The following GATA4 variants were observed in gnomAD, a reference collection of about 807,000 sequenced individuals.
GATA4 encodes the protein transcription factor GATA-4.
A neutral mutation model predicts 37.9 loss-of-function variants in GATA4; 7 were observed. The ratio of observed to expected loss-of-function variants is 0.18; its 90% CI spans 0.11 to 0.35. The LOEUF (loss-of-function observed/expected upper bound fraction) is 0.35, where lower values mean the gene tolerates loss of function less well. Ranked by LOEUF, GATA4 falls within the 10% of genes least tolerant of loss-of-function variation. GATA4 has a pLI of 1.00. For missense variants in GATA4, 647 were observed against 653.0 expected (o/e 0.99, Z 0.10); for synonymous variants, 372 against 292.6 (o/e 1.27, Z -2.77).
intron 1 of GATA4, chr8:11,705,808 G>C (rs1799866869): frequency 6.6e-6 from 1 of 152,168 alleles, no homozygotes; most frequent in Non-Finnish European, 1.5e-5. Flanking sequence ...ACAAATATTA[G>C]ATTGATGACA....
chr8:11,740,526 C>G (rs1046348599), intron 2 of GATA4, among the ~76,000 whole-genome samples: 1 of 152,222 alleles, frequency 6.6e-6, no homozygotes, highest in South Asian at 2.1e-4. Flanking sequence ...GGCCCAGGCC[C>G]CTCCACTCTG....
At position 11,759,635 on chromosome 8, in the gene GATA4, G is replaced by C. The variant is rs2130362058; in HGVS notation, c.*1160G>C. The stretch of plus-strand genomic sequence containing the variant: ...AGAAGACGACTGCTAAGACACGGCA[G>C]GGGGGCCTGGAGGGAGCCTCCGACT... On this transcript the variant is annotated 3_prime_UTR_variant, in exon 7 of 7. Transcript: ENST00000532059. 1 of 152,476 alleles carries C rather than the reference G, an allele frequency of 6.6e-6. No homozygotes were observed. Among genetic ancestry groups the C allele is most frequent in the South Asian group, 2.1e-4 (1 of 4,826 alleles). The allele number at this position is 152,476 out of a possible 1,614,324, so 9.4% of individuals were successfully genotyped here.
intron 3 of GATA4, 65 bp from the exon 4 acceptor site, chr8:11,750,046 C>T (rs978767452): frequency 6.0e-5 from 97 of 1,611,402 alleles, no homozygotes; most frequent in East Asian, 1.3e-4. Flanking sequence ...CGCAGCCACA[C>T]GCGAGGTGGA....
At chr8:11,683,022 C>G (rs1162802440) in intron 1 of GATA4, 1 of 977,708 alleles carries the variant, frequency 1.0e-6, no homozygotes, top group African/African-American at 1.8e-5. Flanking sequence ...GTGGAAACAG[C>G]CTCGGTGCGC....
upstream of GATA4, chr8:11,691,926 A>G: frequency 2.5e-6 from 2 of 812,700 alleles, no homozygotes; most frequent in Non-Finnish European, 3.0e-6. Flanking sequence ...AAAAAAAAAA[A>G]ATCAAAAACC....
At chr8:11,719,318 C>T (rs889121027) in intron 2 of GATA4, among the ~76,000 whole-genome samples, 10 of 151,228 alleles carry the variant, frequency 6.6e-5, no homozygotes, top group Admixed American at 1.3e-4. Context: ...ATTGAGTAGG[C>T]GGGGAAAACA....
At chr8:11,743,262 T>C (rs1447604305) in intron 2 of GATA4, among the ~76,000 whole-genome samples, 2 of 152,218 alleles carry the variant, frequency 1.3e-5, no homozygotes, top group African/African-American at 4.8e-5. Context: ...TTAGCATGGA[T>C]TTTGCCAACA....
chr8:11,711,688 G>C (rs1800188436), intron 2 of GATA4, among the ~76,000 whole-genome samples: 1 of 148,472 alleles, frequency 6.7e-6, no homozygotes, highest in African/African-American at 2.5e-5. Flanking sequence ...GAGGTAGGAG[G>C]CTCACATGAG....
chr8:11,688,248 A>G (rs1224011099), upstream of GATA4, among the ~76,000 whole-genome samples: 1 of 152,252 alleles, frequency 6.6e-6, no homozygotes, highest in Non-Finnish European at 1.5e-5. Context: ...TAATGCGTCT[A>G]TGCCTGAGGT....
intron 2 of GATA4, among the ~76,000 whole-genome samples, chr8:11,710,288 G>A (rs964964953): frequency 1.3e-5 from 2 of 152,164 alleles, no homozygotes; most frequent in Non-Finnish European, 2.9e-5. Flanking sequence ...GCCACCCCCA[G>A]GGGAGGAGGG....
chr8:11,691,523 C>T (rs2129977882), upstream of GATA4, among the ~76,000 whole-genome samples: 1 of 152,304 alleles, frequency 6.6e-6, no homozygotes, highest in East Asian at 1.9e-4. Context: ...GGCTGGATTT[C>T]GAGAGCTTAA....
chr8:11,708,819 G>C lies in GATA4; in HGVS notation c.507G>C (p.Val169=). 1 of 1,485,502 alleles carries C rather than the reference G, an allele frequency of 6.7e-7. No homozygotes were observed. The highest frequency in any genetic ancestry group is 8.9e-7 in the Non-Finnish European group (1 of 1,125,248). 92.0% of individuals were successfully genotyped at this position (1,485,502 alleles called of 1,614,324 possible). A position where few individuals can be genotyped will look rare whatever the true frequency, so the allele number is the denominator to read the frequency against. The change falls in exon 2 of 7, where the codon GTG becomes GTC. Residue 169 remains valine (V), a synonymous_variant. Coordinates refer to ENST00000532059, the MANE Select transcript of GATA4 (RefSeq NM_001308093.3). The surrounding 1 kb of genome is among the most constrained non-coding windows in gnomAD (Gnocchi z 6.7). ...SSPYPAYMAD[V]GASWAAAAAA... Reference sequence around the variant, plus strand: ...CCTACCCGGCTTACATGGCCGACGTGGGCGCGTCCTGGGCCGCAGCCGCCG... The same window carrying C: ...CCTACCCGGCTTACATGGCCGACGTCGGCGCGTCCTGGGCCGCAGCCGCCG...
At chr8:11,694,008 A>G (rs1358753717) in intron 1 of GATA4, among the ~76,000 whole-genome samples, 1 of 152,088 alleles carries the variant, frequency 6.6e-6, no homozygotes, top group Non-Finnish European at 1.5e-5. Context: ...ATTAAAAGCA[A>G]TGTGTTCCTT....
intron 5 of GATA4, 52 bp from the exon 6 acceptor site, chr8:11,756,883 G>T (rs1585702710): frequency 6.2e-7 from 1 of 1,613,884 alleles, no homozygotes; most frequent in Non-Finnish European, 8.5e-7. Context: ...GCTGCCGGCT[G>T]TTCGTTTGTC....
intron 2 of GATA4, among the ~76,000 whole-genome samples, chr8:11,731,761 G>C (rs1801223225): frequency 6.6e-6 from 1 of 152,190 alleles, no homozygotes; most frequent in Non-Finnish European, 1.5e-5. Context: ...ATTTAAAGAA[G>C]AGAAAAATGG....
At chr8:11,723,893 T>C (rs773134121) in intron 2 of GATA4, among the ~76,000 whole-genome samples, 58 of 152,246 alleles carry the variant, frequency 3.8e-4, no homozygotes, top group Non-Finnish European at 7.5e-4. Flanking sequence ...CACAGTATTG[T>C]ACAACCATCA....
upstream of GATA4, chr8:11,700,427 C>T (rs1799634838): frequency 6.6e-6 from 1 of 152,346 alleles, no homozygotes; most frequent in African/African-American, 2.4e-5. Context: ...GAAAGAGTGT[C>T]CGAGGCACGG....
At chr8:11,702,756 G>C (rs539545777), upstream of GATA4, among the ~76,000 whole-genome samples, 195 of 152,232 alleles carry the variant, frequency 1.3e-3, no homozygotes, top group African/African-American at 4.4e-3. The surrounding 1 kb of genome is among the most constrained non-coding windows in gnomAD (Gnocchi z 4.4). Context: ...CTAGAGGGGC[G>C]GCTGCCGTGC....
intron 1 of GATA4, among the ~76,000 whole-genome samples, chr8:11,677,927 C>T (rs1234163469): frequency 6.6e-6 from 1 of 151,520 alleles, no homozygotes; most frequent in African/African-American, 2.4e-5. Flanking sequence ...GCATACAAGT[C>T]GAAATTACCT....
Sources: gnomAD v4.1 joint callset for allele counts (sites outside exome capture counted in the v4.1 genomes callset) on GRCh38, gnomAD v4.1.1 for gene constraint, Gnocchi (gnomAD v3.1) non-coding constraint, MANE v1.5 for transcripts, NCBI Gene and HGNC (gene_info 2026-07-23, HGNC 2026-07-21) for gene names.